The following HCN1 variants were observed in gnomAD, a reference collection of about 807,000 sequenced individuals.
HCN1 encodes the protein hyperpolarization activated cyclic nucleotide gated potassium channel 1.
A neutral mutation model predicts 78.9 loss-of-function variants in HCN1; 13 were observed. The ratio of observed to expected loss-of-function variants is 0.16; its 90% CI spans 0.11 to 0.26. HCN1 has a LOEUF of 0.26. Ranked by LOEUF, HCN1 falls within the 10% of genes least tolerant of loss-of-function variation. The pLI is 1.00. For synonymous variants in HCN1, 552 were observed against 455.5 expected, an observed-to-expected ratio of 1.21 and a Z score of -2.70; for missense variants, 810 against 1,154.3, an observed-to-expected ratio of 0.70 and a Z score of 4.32.
At chr5:45,390,128 C>T (rs1739507216) in intron 4 of HCN1, among the ~76,000 whole-genome samples, 1 of 152,126 alleles carries the variant, frequency 6.6e-6, no homozygotes. Context: ...TTTTCTGAGA[C>T]ATTTCTCTCA....
chr5:45,566,185 T>C (rs1366978597), intron 2 of HCN1, among the ~76,000 whole-genome samples: 1 of 152,192 alleles, frequency 6.6e-6, no homozygotes, highest in Non-Finnish European at 1.5e-5. Context: ...CTGCCCAGTA[T>C]AATACCACCT....
At chr5:45,286,561 C>T (rs1745273709) in intron 6 of HCN1, among the ~76,000 whole-genome samples, 1 of 152,094 alleles carries the variant, frequency 6.6e-6, no homozygotes, top group African/African-American at 2.4e-5. Context: ...GTGTTTTAGT[C>T]TTCATCTTTC....
At chr5:45,277,945 C>T (rs887545955) in intron 6 of HCN1, among the ~76,000 whole-genome samples, 1 of 152,160 alleles carries the variant, frequency 6.6e-6, no homozygotes, top group East Asian at 1.9e-4. Context: ...ACTGGCATCA[C>T]TGTGGTTTCC....
chr5:45,687,832 A>AT (rs991696027), intron 1 of HCN1, among the ~76,000 whole-genome samples: 28 of 152,220 alleles, frequency 1.8e-4, no homozygotes, highest in African/African-American at 6.0e-4. Flanking sequence ...AATAAACATG[A>AT]TTTTTTATCT....
intron 6 of HCN1, among the ~76,000 whole-genome samples, chr5:45,290,409 C>A (rs1243883832): frequency 6.6e-6 from 1 of 152,000 alleles, no homozygotes; most frequent in Non-Finnish European, 1.5e-5. Context: ...ACAGTTTCAA[C>A]ATATGAATTG....
intron 3 of HCN1, among the ~76,000 whole-genome samples, chr5:45,456,579 C>A (rs1257293248): frequency 6.6e-6 from 1 of 151,816 alleles, no homozygotes; most frequent in African/African-American, 2.4e-5. Flanking sequence ...TAATGTTACT[C>A]AAATAAATAC....
At chr5:45,319,516 G>T (rs537203015) in intron 5 of HCN1, among the ~76,000 whole-genome samples, 1 of 151,824 alleles carries the variant, frequency 6.6e-6, no homozygotes, top group Non-Finnish European at 1.5e-5. Context: ...AGCCTGTTTT[G>T]TGAGGTGCCC....
intron 2 of HCN1, among the ~76,000 whole-genome samples, chr5:45,473,297 A>C (rs1236982964): frequency 2.6e-5 from 4 of 151,872 alleles, no homozygotes; most frequent in Non-Finnish European, 1.5e-5. Flanking sequence ...TATGTTTCCT[A>C]TACTGTCTAG....
chr5:45,489,189 C>A (rs1741830839), intron 2 of HCN1, among the ~76,000 whole-genome samples: 1 of 152,022 alleles, frequency 6.6e-6, no homozygotes, highest in African/African-American at 2.4e-5. Context: ...AGCGAAGATG[C>A]CAGAGGTATA....
At chr5:45,281,261 G>T (rs2111868618) in intron 6 of HCN1, among the ~76,000 whole-genome samples, 1 of 152,008 alleles carries the variant, frequency 6.6e-6, no homozygotes, top group African/African-American at 2.4e-5. Context: ...TCATGGTAAT[G>T]AGTGAGTACT....
intron 5 of HCN1, among the ~76,000 whole-genome samples, chr5:45,347,019 T>C (rs1272343670): frequency 6.6e-6 from 1 of 152,210 alleles, no homozygotes; most frequent in East Asian, 1.9e-4. Flanking sequence ...GCAGTGGTTC[T>C]CCCAGCACGC....
At chr5:45,635,215 A>G (rs1415356902) in intron 2 of HCN1, among the ~76,000 whole-genome samples, 1 of 152,202 alleles carries the variant, frequency 6.6e-6, no homozygotes, top group African/African-American at 2.4e-5. Context: ...AAGCACTTTC[A>G]TATGAATTTT....
At chr5:45,657,607 G>T (rs1337499629) in intron 1 of HCN1, among the ~76,000 whole-genome samples, 2 of 152,124 alleles carry the variant, frequency 1.3e-5, no homozygotes, top group Non-Finnish European at 2.9e-5. Context: ...GCTTCTACCA[G>T]AGAGTTAAAT....
chr5:45,476,082 A>G lies in HCN1; in HGVS notation c.850-14075T>C, dbSNP rs576249445. Among the ~76,000 whole-genome samples, 3 of 152,276 alleles carry G rather than the reference A, an allele frequency of 2.0e-5. No homozygotes were observed. In the South Asian group the frequency reaches 6.2e-4, roughly 32 times the overall value. On this transcript the variant is annotated intron_variant, in intron 2 of 7. Transcript: ENST00000303230. The stretch of plus-strand genomic sequence containing the variant: ...TAGGACAATATTTTTACAATTAGAG[A>G]GAGGTAAAAGCATTCTCAAGGTTTC...
At chr5:45,266,972 G>A (rs1006351885) in intron 7 of HCN1, 117 bp downstream of exon 7, 2 of 890,508 alleles carry the variant, frequency 2.2e-6, no homozygotes, top group African/African-American at 1.7e-5. Flanking sequence ...GCCTCCCAAA[G>A]TGATGGGATT....
rs867315025 is a variant in HCN1, at chr5:45,339,439, G to A, written c.1377+13661C>T. The stretch of plus-strand genomic sequence containing the variant: ...AAGAAAGGCAAAAAGGCCATCAATA[G>A]CATTTATTTTCCAGGAAATTGTCAA... On this transcript the variant is annotated intron_variant, in intron 5 of 7. Transcript: ENST00000303230. Among the ~76,000 whole-genome samples, 10 of 152,228 alleles carry A rather than the reference G, an allele frequency of 6.6e-5. No homozygotes were observed. In the Middle Eastern group the frequency reaches 0.014, roughly 207 times the overall value.
At chr5:45,522,371 T>G (rs76250170) in intron 2 of HCN1, among the ~76,000 whole-genome samples, 14,285 of 152,092 alleles carry the variant, frequency 0.094, 929 homozygotes, top group Middle Eastern at 0.17. Flanking sequence ...AGTGTCAGAT[T>G]TACTGATTTG....
chr5:45,564,154 C>T (rs1221013523), intron 2 of HCN1, among the ~76,000 whole-genome samples: 1 of 152,038 alleles, frequency 6.6e-6, no homozygotes, highest in Admixed American at 6.5e-5. Flanking sequence ...TTCTGCTCCA[C>T]AAAGGAAATT....
chr5:45,310,672 C>G (rs1477293976), intron 5 of HCN1, among the ~76,000 whole-genome samples: 1 of 152,136 alleles, frequency 6.6e-6, no homozygotes, highest in Middle Eastern at 3.4e-3. Context: ...CAGGTATAAA[C>G]CCAAAGGAAT....
Sources: allele counts gnomAD v4.1 joint callset (sites outside exome capture counted in the v4.1 genomes callset), GRCh38; gene constraint gnomAD v4.1.1; transcripts MANE v1.5; gene names NCBI Gene and HGNC (gene_info 2026-07-23, HGNC 2026-07-21).